Variants in TAF5 observed in about 807,000 individuals in gnomAD.
TAF5 encodes the protein transcription initiation factor TFIID subunit 5.
In TAF5, 20 loss-of-function variants were observed where a neutral mutation model predicts 80.9. That is an observed-to-expected ratio of 0.25 (90% CI 0.17 to 0.36). The LOEUF is 0.36. TAF5 is among the 10% of genes least tolerant of loss of function. TAF5 has a pLI of 1.00. For missense variants in TAF5, 863 were observed against 1,029.4 expected (o/e 0.84, Z 2.21); for synonymous variants, 388 against 406.4 (o/e 0.95, Z 0.55).
At chr10:103,369,908 T>C (rs10883861) in intron 1 of TAF5, among the ~76,000 whole-genome samples, 13,355 of 152,180 alleles carry the variant, frequency 0.088, 790 homozygotes, top group East Asian at 0.22. Context: ...ATGCTGATTG[T>C]CATTATTTTT....
chr10:103,368,009 A>G lies in TAF5; in HGVS notation c.20A>G (p.Glu7Gly). The stretch of plus-strand genomic sequence containing the variant: ...CGCAAGATGGCGGCGCTGGCGGAGG[A>G]GCAGACGGAGGTGGCGGTCAAGCTA... The part of the protein sequence containing the change: MAALAE[E>G]QTEVAVKLEP... Residue 7 changes from glutamate (E) to glycine (G), a missense_variant, in exon 1 of 11, where the codon GAG (glutamate) becomes GGG (glycine). Coordinates refer to ENST00000369839, the MANE Select transcript of TAF5 (RefSeq NM_006951.5). 2 of 1,461,712 alleles carry G rather than the reference A, an allele frequency of 1.4e-6. No homozygotes were observed. The highest frequency in any genetic ancestry group is 2.7e-5 in the South Asian group (2 of 75,374). 90.5% of individuals were successfully genotyped at this position (1,461,712 alleles called of 1,614,324 possible).
In TAF5 at chr10:103,381,938, A is replaced by G. The variant is rs765729907; in HGVS notation, c.1534+97A>G. 1.7e-5 allele frequency: 26 copies of G among 1,503,498 alleles called. 1 individual carries two copies. Among genetic ancestry groups the G allele is most frequent in the Non-Finnish European group, 2.1e-5 (23 of 1,103,596 alleles). The allele number at this position is 1,503,498 out of a possible 1,614,324, so 93.1% of individuals were successfully genotyped here. A position where few individuals can be genotyped will look rare whatever the true frequency, so the allele number is the denominator to read the frequency against. Reference sequence around the variant, plus strand: ...ACAGGAGATTGTGTTCTTTACAGAAATTCACTTGATTTTACTTTAACTCAA... The same window carrying G: ...ACAGGAGATTGTGTTCTTTACAGAAGTTCACTTGATTTTACTTTAACTCAA... On this transcript the variant is annotated intron_variant, in intron 6 of 10. Coordinates refer to ENST00000369839, the MANE Select transcript of TAF5 (RefSeq NM_006951.5).
At chr10:103,385,938 AAAAAAAAAAAAAAG>A (rs1348555704) in intron 8 of TAF5, among the ~76,000 whole-genome samples, 1 of 150,898 alleles carries the variant, frequency 6.6e-6, no homozygotes, top group Non-Finnish European at 1.5e-5. Flanking sequence ...AAAAAAAAAA[AAAAAAAAAAAAAAG>A]AAAAGAAATT....
At chr10:103,373,669 C>G in intron 2 of TAF5, 74 bp downstream of exon 2, 1 of 1,125,498 alleles carries the variant, frequency 8.9e-7, no homozygotes, top group South Asian at 1.6e-5. Context: ...GTTTTCACAT[C>G]TGTAACCACA....
intron 7 of TAF5, among the ~76,000 whole-genome samples, chr10:103,385,073 TG>T (rs2093392703): frequency 6.6e-6 from 1 of 152,198 alleles, no homozygotes; most frequent in Non-Finnish European, 1.5e-5. Flanking sequence ...CCTAAGTTTT[TG>T]TATCATATTA....
At chr10:103,372,861 C>T (rs188193195) in intron 1 of TAF5, among the ~76,000 whole-genome samples, 1 of 150,588 alleles carries the variant, frequency 6.6e-6, no homozygotes, top group East Asian at 2.0e-4. Context: ...GTGCATTGCA[C>T]TACAGCCTGG....
Position 103,368,523 on chromosome 10 carries a change from C to T in TAF5, c.534C>T (p.Ala178=), listed in dbSNP as rs903930647. 6.5e-7 allele frequency: 1 copy of T among 1,547,804 alleles called. No individual in the cohort carries two copies. Among genetic ancestry groups the T allele is most frequent in the African/African-American group, 1.4e-5 (1 of 72,282 alleles). The change falls in exon 1 of 11, where the codon GCC becomes GCT. Residue 178 remains alanine, a synonymous_variant. Transcript: ENST00000369839. ...ASGATVVSGS[A]SGPAAPGKVG... ...GGGCCACGGTCGTCTCAGGTTCAGC[C>T]TCAGGTCCTGCGGCTCCGGGTAAAG...
rs540952199 is a variant in TAF5 at position 103,376,508 on chromosome 10, T to C, written c.798-1727T>C. Among the ~76,000 whole-genome samples, 178 of 151,920 alleles carry C rather than the reference T, an allele frequency of 1.2e-3. 1 individual carries two copies. Among genetic ancestry groups the C allele is most frequent in the Middle Eastern group, 3.4e-3 (1 of 294 alleles). ...AGCACCCCTGGCTTCTATGCCATTATAGTAAATTCATTATATTAGGATGCC... is the reference window on the plus strand; with the variant it reads ...AGCACCCCTGGCTTCTATGCCATTACAGTAAATTCATTATATTAGGATGCC... On this transcript the variant is annotated intron_variant, in intron 2 of 10. Transcript: ENST00000369839.
chr10:103,380,668 G>C (rs2093380704), intron 5 of TAF5, among the ~76,000 whole-genome samples: 1 of 150,780 alleles, frequency 6.6e-6, no homozygotes, highest in African/African-American at 2.4e-5. Context: ...AGGGTGGAGT[G>C]CAGAGGTGAG....
chr10:103,387,698 G>A lies in TAF5; in HGVS notation c.2185G>A (p.Gly729Ser). 6.2e-7 allele frequency: 1 copy of A among 1,609,980 alleles called. No individual in the cohort carries two copies. Among genetic ancestry groups the A allele is most frequent in the Non-Finnish European group, 8.5e-7 (1 of 1,178,818 alleles). Residue 729 changes from glycine (G) to serine (S), a missense_variant and splice_region_variant, in exon 10 of 11, where the codon GGT becomes AGT. Around this residue, in one of 3 missense-constraint regions of TAF5, gnomAD observed 368 missense variants for 461.7 expected, o/e 0.80. Coordinates refer to ENST00000369839, the MANE Select transcript of TAF5 (RefSeq NM_006951.5). ...TAGAGATGGTGAAATTTTGGCATCAGGTAAATGACTATTAATGGCTTTACG... is the reference window on the plus strand; with the variant it reads ...TAGAGATGGTGAAATTTTGGCATCAAGTAAATGACTATTAATGGCTTTACG... ...FSRDGEILAS[G>S]SMDNTVRLWD...
At position 103,373,267 on chromosome 10, in the gene TAF5, G is replaced by T. The variant is rs894181686; in HGVS notation, c.560-91G>T. The T allele has an allele frequency of 4.2e-5, 41 of 970,762 alleles. No homozygotes were observed. The Admixed American group carries it at 6.8e-4, about 16-fold the overall frequency. The allele number at this position is 970,762 out of a possible 1,614,324, so 60.1% of individuals were successfully genotyped here. ...TGGGAAGAAAGAGACAACAGTCTGA[G>T]AAACAACTCACCTGTGGGCTTTAAC... On this transcript the variant is annotated intron_variant, in intron 1 of 10. Transcript: ENST00000369839.
intron 1 of TAF5, among the ~76,000 whole-genome samples, chr10:103,373,015 C>T (rs2093363100): frequency 6.6e-6 from 1 of 151,656 alleles, no homozygotes; most frequent in Non-Finnish European, 1.5e-5. Context: ...CCATCCTGGC[C>T]AACATGGTGA....
At chr10:103,387,747 C>T in intron 10 of TAF5, 49 bp downstream of exon 10, 1 of 1,551,952 alleles carries the variant, frequency 6.4e-7, no homozygotes, top group Non-Finnish European at 8.7e-7. Flanking sequence ...TAAGAGGAAA[C>T]AGTGTTGACG....
At position 103,388,431 on chromosome 10, in the gene TAF5, A is replaced by G; in HGVS notation, c.*208A>G. Reference sequence around the variant, plus strand: ...AATTTCCGTTAGTTGAATAAGAGGTATTATGATCATGGAGGGGACATTTAT... The same window carrying G: ...AATTTCCGTTAGTTGAATAAGAGGTGTTATGATCATGGAGGGGACATTTAT... On this transcript the variant is annotated 3_prime_UTR_variant, in exon 11 of 11. Coordinates refer to ENST00000369839, the MANE Select transcript of TAF5 (RefSeq NM_006951.5). 4.1e-6 allele frequency: 2 copies of G among 490,448 alleles called. No individual in the cohort carries two copies. The highest frequency in any genetic ancestry group is 7.3e-6 in the Non-Finnish European group (2 of 275,388). The allele number at this position is 490,448 out of a possible 1,614,324, so 30.4% of individuals were successfully genotyped here.
At position 103,383,257 on chromosome 10, in the gene TAF5, AGAATCAGAT is replaced by A; in HGVS notation, c.1557_1565del (p.Glu519_Asp521del). On this transcript the variant is annotated inframe_deletion, in exon 7 of 11. Coordinates refer to ENST00000369839, the MANE Select transcript of TAF5 (RefSeq NM_006951.5). ...TTTTAGATCTTAGTCTTATAGACAA[AGAATCAGAT>A]GATGTCTTAGAAAGAATCATGGATG... 1 of 1,585,928 alleles carries A rather than the reference AGAATCAGAT, an allele frequency of 6.3e-7. No homozygotes were observed. The highest frequency in any genetic ancestry group is 8.5e-7 in the Non-Finnish European group (1 of 1,172,130).
At position 103,368,467 on chromosome 10, in the gene TAF5, GC is replaced by G; in HGVS notation, c.483del (p.Asp162ThrfsTer60). 6.3e-7 allele frequency: 1 copy of G among 1,583,092 alleles called. No individual in the cohort carries two copies. Among genetic ancestry groups the G allele is most frequent in the African/African-American group, 1.4e-5 (1 of 73,906 alleles). ...RVTASAPGPAAPDPPGTGASG... is the reference protein window; with the variant it reads ...RVTASAPGPAXPDPPGTGASG... ...GACCGCCTCGGCCCCTGGCCCTGCG[GC>G]CCCCGACCCTCCGGGCACTGGCGCT... On this transcript the variant is annotated frameshift_variant, in exon 1 of 11. Transcript: ENST00000369839. LOFTEE classifies it high-confidence loss of function.
At chr10:103,375,874 A>T (rs1029828872) in intron 2 of TAF5, among the ~76,000 whole-genome samples, 2 of 152,004 alleles carry the variant, frequency 1.3e-5, no homozygotes, top group Non-Finnish European at 2.9e-5. Flanking sequence ...CCTGGCCAAC[A>T]TAACAAAACC....
In TAF5 at chr10:103,374,900, T is replaced by C. The variant is rs1474162143; in HGVS notation, c.797+1305T>C. On this transcript the variant is annotated intron_variant, in intron 2 of 10. Coordinates refer to ENST00000369839, the MANE Select transcript of TAF5 (RefSeq NM_006951.5). This position sits in a 1 kb window ranked among gnomAD's most constrained non-coding sequence, Gnocchi z 4.3. ...CAGCACTTTGGGAGGCTGAGGCGGG[T>C]GGATCACTTTGACCTCAGGAGTTTG... Among the ~76,000 whole-genome samples, 1 of 151,436 alleles carries C rather than the reference T, an allele frequency of 6.6e-6. No individual in the cohort carries two copies. Among genetic ancestry groups the C allele is most frequent in the Non-Finnish European group, 1.5e-5 (1 of 67,774 alleles).
At chr10:103,384,504 A>G (rs368412258) in intron 7 of TAF5, among the ~76,000 whole-genome samples, 2 of 152,082 alleles carry the variant, frequency 1.3e-5, no homozygotes, top group East Asian at 1.9e-4. Flanking sequence ...GGTGGCGCCC[A>G]CCTGTAATCC....
Sources: allele counts gnomAD v4.1 joint callset (sites outside exome capture counted in the v4.1 genomes callset), GRCh38; gene constraint gnomAD v4.1.1; regional missense constraint gnomAD v4.1.1; non-coding constraint Gnocchi (gnomAD v3.1); transcripts MANE v1.5; gene names NCBI Gene and HGNC (gene_info 2026-07-23, HGNC 2026-07-21).